DBX2: variants seen among roughly 807,000 people sequenced by gnomAD.
DBX2 encodes the protein homeobox protein DBX2.
Under a neutral mutation model 17.7 loss-of-function variants are expected in DBX2, and 16 were observed. The ratio of observed to expected loss-of-function variants is 0.90; its 90% CI spans 0.61 to 1.37. The LOEUF (loss-of-function observed/expected upper bound fraction) is 1.37. Ranked by LOEUF, DBX2 falls within the 40% of genes most tolerant of loss-of-function variation. The pLI is 0.00. For missense variants in DBX2, 538 were observed against 433.8 expected (o/e 1.24, Z -2.13); for synonymous variants, 255 against 183.8 (o/e 1.39, Z -3.13).
intron 1 of DBX2, among the ~76,000 whole-genome samples, chr12:45,038,573 T>C (rs1946452831): frequency 6.6e-6 from 1 of 151,390 alleles, no homozygotes; most frequent in African/African-American, 2.4e-5. Context: ...AATTTTTCTA[T>C]TCTAACCAAA....
Position 45,051,042 on chromosome 12 carries a change from C to A in DBX2, c.-115G>T. The stretch of plus-strand genomic sequence containing the variant: ...GCCGCCGCCTCCCGCAGGGCTGGAG[C>A]GCGCGGAGCCAGGCAGGGAGGAAAG... On this transcript the variant is annotated 5_prime_UTR_variant, in exon 1 of 4. Transcript: ENST00000332700. The A allele has an allele frequency of 8.0e-7, 1 of 1,243,452 alleles. No homozygotes were observed. The allele number at this position is 1,243,452 out of a possible 1,614,324, so 77.0% of individuals were successfully genotyped here.
At chr12:45,022,509 T>C (rs1946358874) in intron 3 of DBX2, among the ~76,000 whole-genome samples, 1 of 151,938 alleles carries the variant, frequency 6.6e-6, no homozygotes. Flanking sequence ...TTTCACCGTG[T>C]TAGCCAGGAT....
At chr12:45,046,451 C>T (rs138713742) in intron 1 of DBX2, among the ~76,000 whole-genome samples, 357 of 152,260 alleles carry the variant, frequency 2.3e-3, no homozygotes, top group African/African-American at 7.9e-3. Flanking sequence ...GCATCATCAA[C>T]ACTCAAAATT....
intron 2 of DBX2, among the ~76,000 whole-genome samples, chr12:45,027,022 T>TA (rs1380546387): frequency 6.6e-6 from 1 of 152,224 alleles, no homozygotes; most frequent in Non-Finnish European, 1.5e-5. Context: ...TGGTCAATAA[T>TA]AAAAATATTC....
chr12:45,031,573 T>G (rs954157507), intron 2 of DBX2, among the ~76,000 whole-genome samples: 1 of 152,214 alleles, frequency 6.6e-6, no homozygotes, highest in Non-Finnish European at 1.5e-5. Flanking sequence ...ATATTCAATT[T>G]TTTTCCCAAA....
At chr12:45,022,913 A>G (rs1482968369) in intron 3 of DBX2, among the ~76,000 whole-genome samples, 1 of 151,986 alleles carries the variant, frequency 6.6e-6, no homozygotes, top group African/African-American at 2.4e-5. Context: ...CTAAGGTGGG[A>G]GCCTACCTCC....
At chr12:45,031,761 T>C (rs1035231853) in intron 2 of DBX2, among the ~76,000 whole-genome samples, 2 of 152,188 alleles carry the variant, frequency 1.3e-5, no homozygotes, top group Non-Finnish European at 2.9e-5. Context: ...TTGTTCTGGA[T>C]GGTCTATTTC....
At chr12:45,024,268 C>A (rs1047419748) in intron 2 of DBX2, among the ~76,000 whole-genome samples, 1 of 152,216 alleles carries the variant, frequency 6.6e-6, no homozygotes, top group Non-Finnish European at 1.5e-5. Context: ...ATGCTTGCTT[C>A]CCCTTCTCCC....
At chr12:45,046,303 A>C (rs1946499757) in intron 1 of DBX2, among the ~76,000 whole-genome samples, 1 of 152,172 alleles carries the variant, frequency 6.6e-6, no homozygotes, top group African/African-American at 2.4e-5. Context: ...ACAGATATGG[A>C]AAGAATATGG....
rs1253532108 is a variant in DBX2, at chr12:45,036,118, C to T, written c.404-4G>A. 3.7e-6 allele frequency: 6 copies of T among 1,607,314 alleles called. No homozygotes were observed. The South Asian group carries it at 5.6e-5, about 15-fold the overall frequency. On this transcript the variant is annotated splice_polypyrimidine_tract_variant and splice_region_variant and intron_variant, in intron 1 of 3. Transcript: ENST00000332700. ...AGAAGGAAAGGTTTGGAAGGTGCTG[C>T]AGAGAAAGCATTGATCTCATTGATT...
At chr12:45,035,026 C>T (rs1289281907) in intron 2 of DBX2, among the ~76,000 whole-genome samples, 1 of 152,232 alleles carries the variant, frequency 6.6e-6, no homozygotes, top group Non-Finnish European at 1.5e-5. Flanking sequence ...AAAGTATCAG[C>T]CCCCTAAAGA....
chr12:45,022,995 T>C (rs916635601), intron 3 of DBX2, among the ~76,000 whole-genome samples: 1 of 152,212 alleles, frequency 6.6e-6, no homozygotes, highest in Non-Finnish European at 1.5e-5. Flanking sequence ...ACGGGGATTA[T>C]TATAGTGTGT....
Position 45,016,044 on chromosome 12 carries a change from C to A in DBX2, c.*242G>T, listed in dbSNP as rs1215086156. On this transcript the variant is annotated 3_prime_UTR_variant, in exon 4 of 4. Coordinates refer to ENST00000332700, the MANE Select transcript of DBX2 (RefSeq NM_001004329.3). ...ATACTCAGAGCAGGGACCGAGCCAG[C>A]TGTTGCTCTCCTTCTTTTCAGTTCT... 2.1e-5 allele frequency: 8 copies of A among 386,366 alleles called. No individual in the cohort carries two copies. The highest frequency in any genetic ancestry group is 3.7e-5 in the Non-Finnish European group (8 of 217,952). The allele number at this position is 386,366 out of a possible 1,614,324, so 23.9% of individuals were successfully genotyped here. A position where few individuals can be genotyped will look rare whatever the true frequency, so the allele number is the denominator to read the frequency against.
chr12:45,029,868 A>T (rs1447560632), intron 2 of DBX2, among the ~76,000 whole-genome samples: 1 of 140,614 alleles, frequency 7.1e-6, no homozygotes, highest in Admixed American at 7.5e-5. Context: ...CATCTTAAAA[A>T]AAAAATAATA....
chr12:45,041,143 C>T (rs1946469080), intron 1 of DBX2, among the ~76,000 whole-genome samples: 1 of 145,652 alleles, frequency 6.9e-6, no homozygotes, highest in African/African-American at 2.5e-5. Context: ...TTAATTAAAA[C>T]TAATCATTAA....
At chr12:45,034,206 G>A (rs1445877803) in intron 2 of DBX2, among the ~76,000 whole-genome samples, 1 of 151,880 alleles carries the variant, frequency 6.6e-6, no homozygotes, top group East Asian at 1.9e-4. Context: ...TACCTGGACT[G>A]CCAGAGATTT....
At chr12:45,020,015 A>G (rs182674491) in intron 3 of DBX2, among the ~76,000 whole-genome samples, 280 of 152,330 alleles carry the variant, frequency 1.8e-3, no homozygotes, top group African/African-American at 6.5e-3. Context: ...ATTACTGAAT[A>G]CTTTTTTAAA....
chr12:45,050,414 C>G, intron 1 of DBX2, 111 bp downstream of exon 1: 1 of 1,420,530 alleles, frequency 7.0e-7, no homozygotes, highest in Non-Finnish European at 9.3e-7. Context: ...CAGGAAGTTC[C>G]CAAACCGGCT....
At chr12:45,027,842 T>C (rs994798761) in intron 2 of DBX2, among the ~76,000 whole-genome samples, 7 of 152,238 alleles carry the variant, frequency 4.6e-5, no homozygotes, top group Admixed American at 1.3e-4. Context: ...TGAGTTGTTG[T>C]TGAGTGATAA....
Sources: allele counts gnomAD v4.1 joint callset (sites outside exome capture counted in the v4.1 genomes callset), GRCh38; gene constraint gnomAD v4.1.1; transcripts MANE v1.5; gene names NCBI Gene and HGNC (gene_info 2026-07-23, HGNC 2026-07-21).